BMP6: variants seen among roughly 807,000 people sequenced by gnomAD.
BMP6 encodes the protein VG-1-R.
In BMP6, 17 loss-of-function variants were observed where a neutral mutation model predicts 54.1. That is an observed-to-expected ratio of 0.31 (90% confidence interval 0.22 to 0.47). The LOEUF is 0.47. Among genes scored for constraint, BMP6 ranks in the 20% least tolerant of loss-of-function variants. The probability of loss-of-function intolerance (pLI) is 1.00; values close to 1 mark genes in which losing one functional copy is unlikely to be tolerated. For missense variants in BMP6, 720 were observed against 690.4 expected, an observed-to-expected ratio of 1.04 and a Z score of -0.48; for synonymous variants, 328 against 291.2, an observed-to-expected ratio of 1.13 and a Z score of -1.28.
At chr6:7,766,321 G>A (rs1757687448) in intron 1 of BMP6, among the ~76,000 whole-genome samples, 1 of 152,190 alleles carries the variant, frequency 6.6e-6, no homozygotes, top group Non-Finnish European at 1.5e-5. Context: ...TGGATTATAA[G>A]AAATCACTAG....
At chr6:7,780,667 A>G (rs1459921586) in intron 1 of BMP6, among the ~76,000 whole-genome samples, 3 of 152,012 alleles carry the variant, frequency 2.0e-5, no homozygotes, top group Admixed American at 1.3e-4. Context: ...ATCAATATAT[A>G]TTTGTTAAAT....
At position 7,862,509 on chromosome 6, in the gene BMP6, G is replaced by A; in HGVS notation, c.1204+11G>A. ...TCTCCAGTGCTTCAGGTGGGTTTGT[G>A]GGGAGCCTGTGTTTCCAGAAAGCCT... On this transcript the variant is annotated intron_variant, in intron 4 of 6. Transcript: ENST00000283147. 6.2e-7 allele frequency: 1 copy of A among 1,613,356 alleles called. No homozygotes were observed. Among genetic ancestry groups the A allele is most frequent in the African/African-American group, 1.3e-5 (1 of 75,052 alleles).
chr6:7,839,300 G>T (rs1287220494), intron 1 of BMP6, among the ~76,000 whole-genome samples: 2 of 152,210 alleles, frequency 1.3e-5, no homozygotes, highest in African/African-American at 4.8e-5. Flanking sequence ...AAGGGGCCGG[G>T]ACTACAGGCA....
intron 1 of BMP6, among the ~76,000 whole-genome samples, chr6:7,834,594 A>G (rs1298474139): frequency 6.6e-6 from 1 of 151,972 alleles, no homozygotes; most frequent in Non-Finnish European, 1.5e-5. Context: ...ATGTAGTCCT[A>G]GCTACTTGGG....
At chr6:7,735,555 A>G (rs932659) in intron 1 of BMP6, among the ~76,000 whole-genome samples, 23,641 of 152,242 alleles carry the variant, frequency 0.16, 2,190 homozygotes, top group East Asian at 0.33. Flanking sequence ...ATAAGTTAAC[A>G]ACGGAGAAGC....
chr6:7,879,936 AAT>A, intron 5 of BMP6, 53 bp from the exon 6 acceptor site: 1 of 1,535,130 alleles, frequency 6.5e-7, no homozygotes, highest in Non-Finnish European at 9.0e-7. Context: ...GAAAAGCACA[AAT>A]AGTGTGAGAA....
intron 1 of BMP6, among the ~76,000 whole-genome samples, chr6:7,799,457 A>G (rs1254023757): frequency 6.6e-6 from 1 of 152,142 alleles, no homozygotes; most frequent in African/African-American, 2.4e-5. Context: ...TTTTTGAAGA[A>G]GGGCTATTTG....
At chr6:7,780,934 C>T (rs968200107) in intron 1 of BMP6, among the ~76,000 whole-genome samples, 1 of 152,166 alleles carries the variant, frequency 6.6e-6, no homozygotes, top group Non-Finnish European at 1.5e-5. Context: ...TGGTCTCAAA[C>T]TCCTGAGCTC....
chr6:7,875,836 C>T lies in BMP6; in HGVS notation c.1205-3238C>T, dbSNP rs56943599. Among the ~76,000 whole-genome samples, 899 of 152,264 alleles carry T rather than the reference C, an allele frequency of 5.9e-3. 9 individuals are homozygous for T. The highest frequency in any genetic ancestry group is 0.02 in the African/African-American group (846 of 41,552). ...CAACAAAAAGGCTGGAGACTTAATT[C>T]AGGAAATCAAGGCTCAGATCTAGTC... On this transcript the variant is annotated intron_variant, in intron 4 of 6. Coordinates refer to ENST00000283147, the MANE Select transcript of BMP6 (RefSeq NM_001718.6).
chr6:7,818,831 C>A (rs1360752053), intron 1 of BMP6, among the ~76,000 whole-genome samples: 1 of 152,196 alleles, frequency 6.6e-6, no homozygotes, highest in Non-Finnish European at 1.5e-5. Flanking sequence ...CACGTTGATA[C>A]TATCAAGAGA....
chr6:7,841,073 T>G (rs1272435081), intron 1 of BMP6, among the ~76,000 whole-genome samples: 1 of 152,232 alleles, frequency 6.6e-6, no homozygotes. Flanking sequence ...GATTGGGTAT[T>G]GACTCCGTGG....
chr6:7,744,209 G>A (rs180932249), intron 1 of BMP6, among the ~76,000 whole-genome samples: 368 of 151,912 alleles, frequency 2.4e-3, no homozygotes, highest in Middle Eastern at 3.4e-3. Flanking sequence ...AGACATCACC[G>A]GACACGGTTG....
At chr6:7,872,908 G>T (rs925272916) in intron 4 of BMP6, among the ~76,000 whole-genome samples, 1 of 151,314 alleles carries the variant, frequency 6.6e-6, no homozygotes, top group African/African-American at 2.4e-5. Flanking sequence ...AATCTCCAGG[G>T]ATCAAGCAGT....
At chr6:7,740,801 C>A (rs1237546711) in intron 1 of BMP6, among the ~76,000 whole-genome samples, 1 of 152,192 alleles carries the variant, frequency 6.6e-6, no homozygotes, top group African/African-American at 2.4e-5. Flanking sequence ...AAATCTCTTA[C>A]TCCCATCTTC....
intron 1 of BMP6, among the ~76,000 whole-genome samples, chr6:7,768,208 C>T (rs941517652): frequency 1.3e-5 from 2 of 152,118 alleles, no homozygotes; most frequent in African/African-American, 4.8e-5. Flanking sequence ...CCTTTCCTCT[C>T]CCACTGTGAA....
chr6:7,793,059 A>G (rs1452768562), intron 1 of BMP6, among the ~76,000 whole-genome samples: 3 of 152,124 alleles, frequency 2.0e-5, no homozygotes, highest in Non-Finnish European at 4.4e-5. Context: ...CTTCTGCCTG[A>G]TGGGAGAAAC....
At chr6:7,730,344 C>T (rs1761830032) in intron 1 of BMP6, among the ~76,000 whole-genome samples, 1 of 152,158 alleles carries the variant, frequency 6.6e-6, no homozygotes, top group African/African-American at 2.4e-5. Context: ...TTTAAGAGAA[C>T]TCACCCAGTA....
intron 1 of BMP6, among the ~76,000 whole-genome samples, chr6:7,809,164 G>GATA (rs1288106493): frequency 2.9e-5 from 4 of 138,996 alleles, no homozygotes; most frequent in African/African-American, 1.1e-4. Flanking sequence ...ATGTAAAAGT[G>GATA]ATAACTTCCT....
intron 4 of BMP6, among the ~76,000 whole-genome samples, chr6:7,870,656 TCTCA>T (rs775277180): frequency 2.0e-5 from 3 of 151,450 alleles, no homozygotes; most frequent in Admixed American, 1.3e-4. Flanking sequence ...AAAAAACGGG[TCTCA>T]CTCTGTTGCC....
Sources: allele counts gnomAD v4.1 joint callset (sites outside exome capture counted in the v4.1 genomes callset), GRCh38; gene constraint gnomAD v4.1.1; transcripts MANE v1.5; gene names NCBI Gene and HGNC (gene_info 2026-07-23, HGNC 2026-07-21).